NUP93: variants seen among roughly 807,000 people sequenced by gnomAD.
NUP93 encodes nuclear pore complex protein Nup93.
In NUP93, 55 loss-of-function variants were observed where a neutral mutation model predicts 107.8. The ratio of observed to expected loss-of-function variants is 0.51; its 90% confidence interval spans 0.41 to 0.64. The LOEUF (loss-of-function observed/expected upper bound fraction) is 0.64. Ranked by LOEUF, NUP93 falls within the 30% of genes least tolerant of loss-of-function variation. The pLI, the probability that NUP93 is intolerant of heterozygous loss-of-function variation, is 0.00. For missense variants in NUP93, 937 were observed against 1,044.7 expected (o/e 0.90, Z 1.42); for synonymous variants, 390 against 397.5 (o/e 0.98, Z 0.22).
chr16:56,758,153 G>T (rs1021506383), intron 2 of NUP93, among the ~76,000 whole-genome samples: 2 of 152,094 alleles, frequency 1.3e-5, no homozygotes, highest in African/African-American at 2.4e-5. Context: ...GTGACTTTGG[G>T]CAAGCTGGCT....
chr16:56,804,925 T>C (rs1963102432), intron 4 of NUP93, among the ~76,000 whole-genome samples: 1 of 152,038 alleles, frequency 6.6e-6, no homozygotes, highest in Non-Finnish European at 1.5e-5. Flanking sequence ...AAAAAAAGTT[T>C]ATATTTTACC....
chr16:56,743,743 T>C (rs566988180), intron 1 of NUP93, among the ~76,000 whole-genome samples: 1 of 152,288 alleles, frequency 6.6e-6, no homozygotes, highest in South Asian at 2.1e-4. Flanking sequence ...TCCTCATCCT[T>C]CCACTTCTGT....
At chr16:56,763,862 A>G (rs928369863) in intron 3 of NUP93, among the ~76,000 whole-genome samples, 3 of 151,552 alleles carry the variant, frequency 2.0e-5, no homozygotes, top group Non-Finnish European at 4.4e-5. Flanking sequence ...ACCCAAAAGA[A>G]AAAAAAAAGA....
At chr16:56,794,012 G>C (rs994475186) in intron 3 of NUP93, among the ~76,000 whole-genome samples, 1 of 151,866 alleles carries the variant, frequency 6.6e-6, no homozygotes, top group Non-Finnish European at 1.5e-5. Context: ...CCGAGATCAC[G>C]CCACTGCACT....
In NUP93 at chr16:56,755,446, T is replaced by A. The variant is rs568300573; in HGVS notation, c.180-3092T>A. On this transcript the variant is annotated intron_variant, in intron 2 of 21. Transcript: ENST00000308159. ...ATAGAGACAGAAAGTAGATTAGTAGTTGCCAGGGGATGGGGGAGGTTTGGG... is the reference window on the plus strand; with the variant it reads ...ATAGAGACAGAAAGTAGATTAGTAGATGCCAGGGGATGGGGGAGGTTTGGG... 5.3e-5 allele frequency among the ~76,000 whole-genome samples: 8 copies of A among 151,612 alleles called. No individual in the cohort carries two copies. The East Asian group carries it at 1.6e-3, about 29-fold the overall frequency.
chr16:56,747,270 G>A (rs1019402879), intron 1 of NUP93, among the ~76,000 whole-genome samples: 3 of 152,214 alleles, frequency 2.0e-5, no homozygotes, highest in African/African-American at 4.8e-5. Context: ...AGAGTGCTGG[G>A]ATTACAGGCG....
chr16:56,801,299 A>G (rs754061856), intron 4 of NUP93, among the ~76,000 whole-genome samples: 15 of 152,364 alleles, frequency 9.8e-5, no homozygotes, highest in South Asian at 4.1e-4. Flanking sequence ...GGAATGGGAC[A>G]GATGGGTGGC....
At chr16:56,825,992 G>A (rs1194962802) in intron 8 of NUP93, among the ~76,000 whole-genome samples, 1 of 152,118 alleles carries the variant, frequency 6.6e-6, no homozygotes, top group Non-Finnish European at 1.5e-5. Flanking sequence ...TCAATTACAG[G>A]GCTGAAATGT....
At position 56,821,533 on chromosome 16, in the gene NUP93, T is replaced by C. The variant is rs1387219776; in HGVS notation, c.594T>C (p.Asn198=). ...QIYIYNEKIV[N]GHLQPNLVDL... ...ATATCTATAATGAGAAAATTGTAAA[T>C]GGACACCTGCAGCCTAACCTGGTGG... The change falls in exon 7 of 22, where the codon AAT becomes AAC. Residue 198 remains asparagine (N), a synonymous_variant. Transcript: ENST00000308159. 1 of 1,612,974 alleles carries C rather than the reference T, an allele frequency of 6.2e-7. No homozygotes were observed. Among genetic ancestry groups the C allele is most frequent in the South Asian group, 1.1e-5 (1 of 91,042 alleles).
At position 56,844,549 on chromosome 16, in the gene NUP93, A is replaced by G. The variant is rs570223166; in HGVS notation, c.2400A>G (p.Pro800=). 1 of 1,575,372 alleles carries G rather than the reference A, an allele frequency of 6.3e-7. No homozygotes were observed. Among genetic ancestry groups the G allele is most frequent in the South Asian group, 1.2e-5 (1 of 85,410 alleles). Residue 800 remains proline, a synonymous_variant, in exon 22 of 22, where the codon CCA becomes CCG. Coordinates refer to ENST00000308159, the MANE Select transcript of NUP93 (RefSeq NM_014669.5). ...TGATTACCTTTGCTGGAATGATACC[A>G]TACCGAACGTCTGGGGACACCAATG... ...RTLITFAGMI[P]YRTSGDTNAR...
At chr16:56,836,869 A>G (rs1415680185) in intron 17 of NUP93, 152 bp downstream of exon 17, 4 of 557,252 alleles carry the variant, frequency 7.2e-6, no homozygotes, top group Non-Finnish European at 1.3e-5. Flanking sequence ...TCCAGTCAGG[A>G]CAGAATTCCC....
rs1445494889 is a variant in NUP93 at position 56,798,676 on chromosome 16, T to C, written c.360+138T>C. ...TGAGCCCAGGAATTCAAGATCAGCC[T>C]AGGCAACATAGTGAGACCCCATCTT... On this transcript the variant is annotated intron_variant, in intron 4 of 21. Coordinates refer to ENST00000308159, the MANE Select transcript of NUP93 (RefSeq NM_014669.5). The C allele has an allele frequency of 6.3e-5, 44 of 699,962 alleles. No individual in the cohort carries two copies. The East Asian group carries it at 1.2e-3, about 19-fold the overall frequency. 43.4% of individuals were successfully genotyped at this position (699,962 alleles called of 1,614,324 possible).
chr16:56,847,387 G>A lies in NUP93; in HGVS notation c.*2778G>A, dbSNP rs1964128258. 1 of 152,182 alleles carries A rather than the reference G, an allele frequency of 6.6e-6. No homozygotes were observed. Among genetic ancestry groups the A allele is most frequent in the South Asian group, 2.1e-4 (1 of 4,822 alleles). 9.4% of individuals were successfully genotyped at this position (152,182 alleles called of 1,614,324 possible). Reference sequence around the variant, plus strand: ...CAGAGAACTAACTCTTTCCTTAGATGTTGGGCCAGGATTTCACTATTTACC... The same window carrying A: ...CAGAGAACTAACTCTTTCCTTAGATATTGGGCCAGGATTTCACTATTTACC... On this transcript the variant is annotated 3_prime_UTR_variant, in exon 22 of 22. Transcript: ENST00000308159.
At chr16:56,797,721 A>AT (rs774182903) in intron 3 of NUP93, among the ~76,000 whole-genome samples, 16 of 151,998 alleles carry the variant, frequency 1.1e-4, no homozygotes, top group Non-Finnish European at 2.2e-4. Context: ...ACATTATCTT[A>AT]TTTTTTTTAC....
intron 2 of NUP93, among the ~76,000 whole-genome samples, chr16:56,754,922 C>T (rs75706039): frequency 0.043 from 6,556 of 152,252 alleles, 206 homozygotes; most frequent in African/African-American, 0.079. Context: ...TGTTTTTAAT[C>T]TTTTTCTATA....
chr16:56,815,478 A>G (rs1596832381), intron 5 of NUP93, among the ~76,000 whole-genome samples: 3 of 152,214 alleles, frequency 2.0e-5, no homozygotes, highest in Admixed American at 2.0e-4. Context: ...TTGTAGAAAA[A>G]TGAAATGAGA....
chr16:56,836,646 A>C lies in NUP93; in HGVS notation c.1828A>C (p.Asn610His), dbSNP rs143824696. 45 of 1,614,056 alleles carry C rather than the reference A, an allele frequency of 2.8e-5. No individual in the cohort carries two copies. The highest frequency in any genetic ancestry group is 1.2e-4 in the Admixed American group (7 of 59,990). The change falls in exon 17 of 22, where the codon AAC (asparagine) becomes CAC (histidine). Residue 610 changes from asparagine (N) to histidine (H), a missense_variant. Physicochemically the swap from Asn to His is moderately conservative, Grantham distance 68 (BLOSUM62 1). Coordinates refer to ENST00000308159, the MANE Select transcript of NUP93 (RefSeq NM_014669.5). ...KFTSDTKPII[N>H]KVASVAENKG... ...TACTAGTGACACAAAGCCTATTATC[A>C]ACAAAGTTGCTTCTGTGGCAGAAAA...
rs1963119866 is a variant in NUP93 at position 56,805,581 on chromosome 16, C to T, written c.438C>T (p.His146=). Residue 146 remains histidine, a synonymous_variant, in exon 5 of 22, where the codon CAC becomes CAT. Coordinates refer to ENST00000308159, the MANE Select transcript of NUP93 (RefSeq NM_014669.5). ...EWEQVKQRIL[H]TLLASGEDAL... is the part of the protein sequence containing the mutation. ...AGCAAGTGAAACAGCGAATTCTGCACACACTGCTGGCATCAGGAGAAGACG... is the reference window on the plus strand; with the variant it reads ...AGCAAGTGAAACAGCGAATTCTGCATACACTGCTGGCATCAGGAGAAGACG... 1 of 1,614,070 alleles carries T rather than the reference C, an allele frequency of 6.2e-7. No homozygotes were observed. The highest frequency in any genetic ancestry group is 1.1e-5 in the South Asian group (1 of 91,080).
At chr16:56,778,947 G>A (rs2144515587) in intron 3 of NUP93, among the ~76,000 whole-genome samples, 1 of 152,312 alleles carries the variant, frequency 6.6e-6, no homozygotes, top group Middle Eastern at 3.4e-3. Flanking sequence ...TCTCAGTGAG[G>A]AGAAGAAGCC....
Sources: gnomAD v4.1 joint callset for allele counts (sites outside exome capture counted in the v4.1 genomes callset) on GRCh38, gnomAD v4.1.1 for gene constraint, MANE v1.5 for transcripts, NCBI Gene and HGNC (gene_info 2026-07-23, HGNC 2026-07-21) for gene names.